SYCP1: variants seen among roughly 807,000 people sequenced by gnomAD.
The protein encoded by SYCP1 is synaptonemal complex protein 1.
In SYCP1, 64 loss-of-function variants were observed where a neutral mutation model predicts 153.1. That is an observed-to-expected ratio of 0.42 (90% confidence interval 0.34 to 0.51). SYCP1 has a LOEUF of 0.51. Ranked by LOEUF, SYCP1 falls within the 20% of genes least tolerant of loss-of-function variation. SYCP1 has a pLI of 0.06. For synonymous variants in SYCP1, 384 were observed against 341.8 expected (o/e 1.12, Z -1.36); for missense variants, 997 against 1,049.0 (o/e 0.95, Z 0.68).
intron 9 of SYCP1, among the ~76,000 whole-genome samples, chr1:114,875,398 T>C (rs984794103): frequency 2.0e-5 from 3 of 151,858 alleles, no homozygotes; most frequent in Admixed American, 6.6e-5. Context: ...TAGCTGGGAC[T>C]ACAGGGGACA....
intron 8 of SYCP1, 93 bp from the exon 9 acceptor site, chr1:114,874,413 A>T: frequency 1.3e-6 from 1 of 741,274 alleles, no homozygotes; most frequent in Non-Finnish European, 2.3e-6. Context: ...ACAGAATTTT[A>T]AATATTTTAA....
chr1:114,860,547 A>G (rs1320859153), intron 7 of SYCP1, among the ~76,000 whole-genome samples, 189 bp from the exon 8 acceptor site: 1 of 152,156 alleles, frequency 6.6e-6, no homozygotes, highest in African/African-American at 2.4e-5. Context: ...TTACTAAATC[A>G]TCTTTGCTAG....
At position 114,994,722 on chromosome 1, in the gene SYCP1, T is replaced by C. The variant is rs17033011; in HGVS notation, c.2728T>C (p.Leu910=). 10,144 of 1,572,660 alleles carry C rather than the reference T, an allele frequency of 6.5e-3. 561 individuals are homozygous for C. The African/African-American group carries it at 0.12, about 19-fold the overall frequency. The change falls in exon 31 of 32, where the codon TTG becomes CTG. Residue 910 remains leucine, a synonymous_variant. Transcript: ENST00000369522. ...LLSMVSEEET[L]KTLYRNNNPP... ...GAGCATGGTTTCAGAAGAAGAGACA[T>C]TGAAAACACTGTATAGGAACAATAA... is the stretch of plus-strand genomic sequence containing the variant.
chr1:114,885,557 A>G lies in SYCP1; in HGVS notation c.933A>G (p.Lys311=). 1.3e-6 allele frequency: 2 copies of G among 1,575,604 alleles called. No individual in the cohort carries two copies. The highest frequency in any genetic ancestry group is 1.7e-6 in the Non-Finnish European group (2 of 1,157,088). Residue 311 remains lysine (K), a synonymous_variant, in exon 13 of 32, where the codon AAA becomes AAG. Coordinates refer to ENST00000369522, the MANE Select transcript of SYCP1 (RefSeq NM_003176.4). Reference sequence around the variant, plus strand: ...TAGAATTACAGAGTGAAAACTTAAAACAATCAATTGAGAAACAGCATCATT... The same window carrying G: ...TAGAATTACAGAGTGAAAACTTAAAGCAATCAATTGAGAAACAGCATCATT... ...EKTKLQSENL[K]QSIEKQHHLT...
At position 114,977,614 on chromosome 1, in the gene SYCP1, A is replaced by G. The variant is rs1285638379; in HGVS notation, c.2380A>G (p.Lys794Glu). The change falls in exon 28 of 32, where the codon AAG (lysine) becomes GAG (glutamate). Residue 794 changes from lysine to glutamate, a missense_variant and splice_region_variant. Lys to Glu is a moderately conservative substitution (Grantham distance 56). Around this residue, in one of 2 missense-constraint regions of SYCP1, gnomAD observed 712 missense variants for 682.9 expected, o/e 1.04. Transcript: ENST00000369522. ...AGCTACTCTTAAAGAAAAAAAAGACAAGGTAAGAGCATATAATTCTCATAG... is the reference window on the plus strand; with the variant it reads ...AGCTACTCTTAAAGAAAAAAAAGACGAGGTAAGAGCATATAATTCTCATAG... The part of the protein sequence containing the change: ...NTATLKEKKD[K>E]KTQTFLLETP... 1 of 1,500,396 alleles carries G rather than the reference A, an allele frequency of 6.7e-7. No homozygotes were observed. The highest frequency in any genetic ancestry group is 8.9e-7 in the Non-Finnish European group (1 of 1,117,812). 92.9% of individuals were successfully genotyped at this position (1,500,396 alleles called of 1,614,324 possible).
At chr1:114,885,989 C>A in intron 13 of SYCP1, 136 bp from the exon 14 acceptor site, 1 of 556,814 alleles carries the variant, frequency 1.8e-6, no homozygotes, top group African/African-American at 2.0e-5. Flanking sequence ...GGTGGGCATT[C>A]CAGGGTAGGA....
At chr1:114,899,018 T>G (rs2101613903) in intron 16 of SYCP1, among the ~76,000 whole-genome samples, 1 of 152,286 alleles carries the variant, frequency 6.6e-6, no homozygotes, top group East Asian at 1.9e-4. Context: ...GCCAGTTTTT[T>G]CCCAAGGGGC....
chr1:114,942,740 G>A (rs917623159), intron 23 of SYCP1, among the ~76,000 whole-genome samples: 1 of 151,824 alleles, frequency 6.6e-6, no homozygotes, highest in African/African-American at 2.4e-5. Flanking sequence ...GAAGATGTGG[G>A]ACAATATCTT....
chr1:114,977,450 G>A, intron 27 of SYCP1, 107 bp from the exon 28 acceptor site: 1 of 668,360 alleles, frequency 1.5e-6, no homozygotes, highest in Non-Finnish European at 2.4e-6. Context: ...AGATTGAGAG[G>A]TTCGTCATCT....
In SYCP1 at chr1:114,913,118, C is replaced by G; in HGVS notation, c.1615C>G (p.Leu539Val). ...ELTQETSDMTLELKNQQEDIN... is the reference protein window; with the variant it reads ...ELTQETSDMTVELKNQQEDIN... ...CACACAGGAAACAAGTGATATGACC[C>G]TAGAACTCAAGAATCAGCAAGAAGA... Residue 539 changes from leucine to valine, a missense_variant, in exon 19 of 32, where the codon CTA becomes GTA. Physicochemically the swap from Leu to Val is conservative, Grantham distance 32 (BLOSUM62 1). Around this residue, in one of 2 missense-constraint regions of SYCP1, gnomAD observed 712 missense variants for 682.9 expected, o/e 1.04. Coordinates refer to ENST00000369522, the MANE Select transcript of SYCP1 (RefSeq NM_003176.4). 6.2e-7 allele frequency: 1 copy of G among 1,611,598 alleles called. No homozygotes were observed. Among genetic ancestry groups the G allele is most frequent in the South Asian group, 1.1e-5 (1 of 90,678 alleles).
At chr1:114,900,836 G>A (rs927345620) in intron 16 of SYCP1, among the ~76,000 whole-genome samples, 1 of 152,156 alleles carries the variant, frequency 6.6e-6, no homozygotes, top group African/African-American at 2.4e-5. Context: ...AAACCAAAAA[G>A]CAGTTTATAA....
Position 114,939,976 on chromosome 1 carries a change from T to A in SYCP1, c.1927-4363T>A, listed in dbSNP as rs951970290. On this transcript the variant is annotated intron_variant, in intron 23 of 31. Transcript: ENST00000369522. ...TCTACATTTTCTACAGTTTCAGAAT[T>A]GTCTGTAGCATTTACTGTTAAAAAC... Among the ~76,000 whole-genome samples the A allele has an allele frequency of 3.3e-5, 5 of 152,300 alleles. No individual in the cohort carries two copies. The East Asian group carries it at 5.8e-4, about 18-fold the overall frequency.
intron 26 of SYCP1, among the ~76,000 whole-genome samples, chr1:114,946,734 T>C (rs1290139107): frequency 2.0e-5 from 3 of 152,022 alleles, no homozygotes; most frequent in African/African-American, 4.8e-5. Context: ...GATTTTGTTT[T>C]GTTTTGTTTT....
intron 23 of SYCP1, among the ~76,000 whole-genome samples, chr1:114,942,624 ACTAT>A (rs1230636343): frequency 1.3e-5 from 2 of 151,940 alleles, no homozygotes; most frequent in Admixed American, 6.6e-5. Context: ...AGAACATTTG[ACTAT>A]CTATATGGAA....
chr1:114,974,208 T>C (rs934910482), intron 27 of SYCP1, among the ~76,000 whole-genome samples: 5 of 151,972 alleles, frequency 3.3e-5, no homozygotes, highest in Non-Finnish European at 1.5e-5. Flanking sequence ...TGATTTATTC[T>C]TGTGTTTCTG....
chr1:114,923,154 C>A (rs1425872680), intron 20 of SYCP1, among the ~76,000 whole-genome samples: 1 of 152,130 alleles, frequency 6.6e-6, no homozygotes, highest in Non-Finnish European at 1.5e-5. Flanking sequence ...CAATTTACTT[C>A]TGAACACAAT....
At chr1:114,990,302 G>A (rs965966558) in intron 30 of SYCP1, among the ~76,000 whole-genome samples, 1 of 151,892 alleles carries the variant, frequency 6.6e-6, no homozygotes, top group Non-Finnish European at 1.5e-5. Context: ...TTAATGAAAA[G>A]GACAACACAA....
At chr1:114,977,810 G>A (rs1477455105) in intron 28 of SYCP1, 194 bp downstream of exon 28, 1 of 353,726 alleles carries the variant, frequency 2.8e-6, no homozygotes, top group Non-Finnish European at 5.2e-6. Context: ...GTCATTTGGA[G>A]ATTTGGAGAA....
intron 7 of SYCP1, 37 bp from the exon 8 acceptor site, chr1:114,860,699 C>G (rs779093268): frequency 4.2e-6 from 6 of 1,422,088 alleles, no homozygotes; most frequent in Non-Finnish European, 3.9e-6. Flanking sequence ...GCTTTGAGAT[C>G]AGATTACACA....
Sources: allele counts gnomAD v4.1 joint callset (sites outside exome capture counted in the v4.1 genomes callset), GRCh38; gene constraint gnomAD v4.1.1; regional missense constraint gnomAD v4.1.1; transcripts MANE v1.5; gene names NCBI Gene and HGNC (gene_info 2026-07-23, HGNC 2026-07-21).